TMCO5A: variants seen among roughly 807,000 people sequenced by gnomAD.
TMCO5A encodes transmembrane and coiled-coil domains 5A, also known as transmembrane and coiled-coil domain-containing protein 5A.
In TMCO5A, 34 loss-of-function variants were observed where a neutral mutation model predicts 42.3. That is an observed-to-expected ratio of 0.80 (90% CI 0.61 to 1.07). The LOEUF (loss-of-function observed/expected upper bound fraction) is 1.07. Ranked by LOEUF, TMCO5A falls within the 50% of genes least tolerant of loss-of-function variation. TMCO5A has a pLI of 0.00. For synonymous variants in TMCO5A, 131 were observed against 115.6 expected (o/e 1.13, Z -0.86); for missense variants, 357 against 327.9 (o/e 1.09, Z -0.69).
chr15:37,998,135 C>G, the TMCO5A span, among the ~76,000 whole-genome samples: 1 of 149,862 alleles, frequency 6.7e-6, no homozygotes, highest in East Asian at 2.1e-4. Flanking sequence ...AAATGTTTTC[C>G]CCCATTCCGT....
chr15:37,994,258 T>A, the TMCO5A span, among the ~76,000 whole-genome samples: 2 of 152,038 alleles, frequency 1.3e-5, no homozygotes, highest in Middle Eastern at 3.4e-3. Flanking sequence ...CAGGCCTCCA[T>A]TAGCAGGCTT....
the TMCO5A span, among the ~76,000 whole-genome samples, chr15:38,025,477 A>G: frequency 6.6e-6 from 1 of 152,088 alleles, no homozygotes; most frequent in South Asian, 2.1e-4. Flanking sequence ...TTTTATGTTT[A>G]TATGTTATCT....
intron 11 of TMCO5A, among the ~76,000 whole-genome samples, chr15:37,957,399 G>A (rs1055589783): frequency 6.6e-6 from 1 of 152,038 alleles, no homozygotes; most frequent in Non-Finnish European, 1.5e-5. Flanking sequence ...AAAGTCTCAG[G>A]ATACAAAATC....
the TMCO5A span, among the ~76,000 whole-genome samples, chr15:38,004,451 G>T: frequency 6.6e-6 from 1 of 152,090 alleles, no homozygotes; most frequent in South Asian, 2.1e-4. Context: ...ACTGAGATTT[G>T]CCCAGGAATT....
At chr15:37,941,453 C>T (rs1889736426) in intron 7 of TMCO5A, among the ~76,000 whole-genome samples, 1 of 152,022 alleles carries the variant, frequency 6.6e-6, no homozygotes, top group South Asian at 2.1e-4. Flanking sequence ...CTATTCCTCT[C>T]CCAACTGCCC....
chr15:37,953,161 C>T (rs1392210832), downstream of TMCO5A, among the ~76,000 whole-genome samples: 3 of 152,192 alleles, frequency 2.0e-5, no homozygotes, highest in Non-Finnish European at 4.4e-5. Flanking sequence ...GGGAAGGACA[C>T]AAGCCTGGTT....
intron 11 of TMCO5A, among the ~76,000 whole-genome samples, chr15:37,966,286 G>GT (rs570651958): frequency 0.024 from 3,525 of 146,556 alleles, 82 homozygotes; most frequent in African/African-American, 0.059. Flanking sequence ...ATGCTTAGTG[G>GT]TTTTTTTTTT....
At chr15:38,021,465 TG>T in the TMCO5A span, among the ~76,000 whole-genome samples, 152,162 of 152,164 alleles carry the variant, frequency 1, 76,080 homozygotes, top group Middle Eastern at 1. Flanking sequence ...AGGGTGCATG[TG>T]GGGGGATTTT....
At chr15:38,033,825 G>C in the TMCO5A span, among the ~76,000 whole-genome samples, 1 of 151,942 alleles carries the variant, frequency 6.6e-6, no homozygotes. Context: ...TGTTAGCCAG[G>C]CTGGTCTCAA....
At chr15:37,953,291 G>A (rs146423874), downstream of TMCO5A, among the ~76,000 whole-genome samples, 98 of 152,214 alleles carry the variant, frequency 6.4e-4, 2 homozygotes, top group South Asian at 3.9e-3. Flanking sequence ...CAGGTCTAAC[G>A]GTTCAGCACA....
At chr15:38,010,826 C>G in the TMCO5A span, among the ~76,000 whole-genome samples, 1 of 152,118 alleles carries the variant, frequency 6.6e-6, no homozygotes. Flanking sequence ...AATCTTGGCT[C>G]ACTGCAACCT....
chr15:38,002,364 A>T, the TMCO5A span, among the ~76,000 whole-genome samples: 1 of 151,774 alleles, frequency 6.6e-6, no homozygotes, highest in Non-Finnish European at 1.5e-5. Context: ...TTAAATATTG[A>T]TATCTTTCCC....
chr15:37,949,470 A>C (rs901511444), intron 11 of TMCO5A, among the ~76,000 whole-genome samples: 1 of 152,108 alleles, frequency 6.6e-6, no homozygotes, highest in Non-Finnish European at 1.5e-5. Context: ...TATAGTAATT[A>C]TTATAGTGTG....
exon 12 of TMCO5A, chr15:37,967,547 G>T (rs1890584701): frequency 6.6e-6 from 1 of 152,160 alleles, no homozygotes; most frequent in African/African-American, 2.4e-5. Flanking sequence ...AGCATAGAGA[G>T]TAGAAGAATG....
At chr15:37,960,893 C>A (rs1890408001) in intron 11 of TMCO5A, among the ~76,000 whole-genome samples, 1 of 151,822 alleles carries the variant, frequency 6.6e-6, no homozygotes, top group Admixed American at 6.6e-5. Flanking sequence ...GTTTTTCTTG[C>A]TGACTTGTTT....
chr15:37,986,462 C>A, the TMCO5A span, among the ~76,000 whole-genome samples: 1 of 147,544 alleles, frequency 6.8e-6, no homozygotes, highest in African/African-American at 2.5e-5. Context: ...AAAATACATA[C>A]GAAATTTTTC....
chr15:37,966,522 A>G (rs926462508), intron 11 of TMCO5A: 1 of 698,926 alleles, frequency 1.4e-6, no homozygotes, highest in African/African-American at 1.8e-5. Flanking sequence ...TACCCACAAA[A>G]TTTTTTTCAG....
chr15:37,959,195 C>T (rs1258371891), intron 11 of TMCO5A, among the ~76,000 whole-genome samples: 2 of 151,902 alleles, frequency 1.3e-5, no homozygotes, highest in Admixed American at 6.6e-5. Flanking sequence ...CAGCAAACCA[C>T]CATGGCACGT....
the TMCO5A span, among the ~76,000 whole-genome samples, chr15:37,988,064 CTTTTACTTTCTAGGTTA>C: frequency 6.6e-6 from 1 of 151,678 alleles, no homozygotes; most frequent in Non-Finnish European, 1.5e-5. Context: ...CTTTGTTTCT[CTTTTACTTTCTAGGTTA>C]ATACTTAAGC....
Sources: gnomAD v4.1 joint callset for allele counts (sites outside exome capture counted in the v4.1 genomes callset) on GRCh38, gnomAD v4.1.1 for gene constraint, MANE v1.5 for transcripts, NCBI Gene and HGNC (gene_info 2026-07-23, HGNC 2026-07-21) for gene names.